The following PIEZO2 variants were observed in gnomAD, a reference collection of about 807,000 sequenced individuals.
The protein encoded by PIEZO2 is piezo type mechanosensitive ion channel component 2, also known as piezo-type mechanosensitive ion channel component 2.
In PIEZO2, 172 loss-of-function variants were observed where a neutral mutation model predicts 337.3. That is an observed-to-expected ratio of 0.51 (90% CI 0.45 to 0.58). The LOEUF is 0.58. Among genes scored for constraint, PIEZO2 ranks in the 20% least tolerant of loss-of-function variants. The pLI, the probability that PIEZO2 is intolerant of heterozygous loss-of-function variation, is 0.00. For synonymous variants in PIEZO2, 1,251 were observed against 1,228.5 expected (o/e 1.02, Z -0.38); for missense variants, 3,028 against 3,391.3 (o/e 0.89, Z 2.66).
intron 3 of PIEZO2, among the ~76,000 whole-genome samples, chr18:10,966,404 T>C (rs1254893380): frequency 6.6e-6 from 1 of 152,228 alleles, no homozygotes; most frequent in African/African-American, 2.4e-5. Flanking sequence ...GCTGCCAGTC[T>C]TCTCCACTGT....
At chr18:10,749,533 ATT>A in intron 29 of PIEZO2, among the ~76,000 whole-genome samples, 1 of 152,302 alleles carries the variant, frequency 6.6e-6, no homozygotes, top group South Asian at 2.1e-4. Context: ...AGTAGCACCC[ATT>A]CTGGGTGCCA....
At chr18:11,063,425 G>C (rs1327732616) in intron 2 of PIEZO2, among the ~76,000 whole-genome samples, 1 of 97,752 alleles carries the variant, frequency 1.0e-5, no homozygotes, top group African/African-American at 3.4e-5. Flanking sequence ...AAAACTTAAA[G>C]TATAATAATA....
Position 10,744,164 on chromosome 18 carries a change from ACTT to A in PIEZO2, c.4489_4491del (p.Lys1497del). The stretch of plus-strand genomic sequence containing the variant: ...TACTGTCGCTTCAGCTGGTCCATGG[ACTT>A]CTTCTCTTCCTCAATTCTTGCCTTT... On this transcript the variant is annotated inframe_deletion, in exon 31 of 56. Coordinates refer to ENST00000674853, the MANE Select transcript of PIEZO2 (RefSeq NM_001378183.1). The A allele has an allele frequency of 2.6e-6, 4 of 1,536,640 alleles. No homozygotes were observed. The highest frequency in any genetic ancestry group is 2.6e-6 in the Non-Finnish European group (3 of 1,146,430).
At chr18:10,693,966 A>G (rs997097227) in intron 47 of PIEZO2, among the ~76,000 whole-genome samples, 11 of 152,156 alleles carry the variant, frequency 7.2e-5, no homozygotes, top group Admixed American at 7.2e-4. Flanking sequence ...TTGTACAAGC[A>G]GTGGCGTTCA....
At position 10,720,234 on chromosome 18, in the gene PIEZO2, G is replaced by GCGTATATATATATATATATATA. The variant is rs1555631512; in HGVS notation, c.5030-1976_5030-1975insTATATATATATATATATATACG. 1.3e-4 allele frequency among the ~76,000 whole-genome samples: 16 copies of GCGTATATATATATATATATATA among 119,918 alleles called. 1 individual carries two copies. Among genetic ancestry groups the GCGTATATATATATATATATATA allele is most frequent in the African/African-American group, 4.7e-4 (14 of 29,864 alleles). 78.7% of individuals were successfully genotyped at this position (119,918 alleles called of 152,430 possible). On this transcript the variant is annotated intron_variant, in intron 36 of 55. Coordinates refer to ENST00000674853, the MANE Select transcript of PIEZO2 (RefSeq NM_001378183.1). ...TATATATGAATATATGTGTGTGTGT[G>GCGTATATATATATATATATATA]TATATATATATATATGGAGCCCAGG...
In PIEZO2 at chr18:10,682,775, T is replaced by TTGTATCATGTTGTTCGTCACC. The variant is rs11283859; in HGVS notation, c.7498-484_7498-483insGGTGACGAACAACATGATACA. ...TTAATTTAATTCATGACACGTGTTG[T>TTGTATCATGTTGTTCGTCACC]TAAAGACAATGTTGTTCGACACCTA... On this transcript the variant is annotated intron_variant, in intron 49 of 55. Coordinates refer to ENST00000674853, the MANE Select transcript of PIEZO2 (RefSeq NM_001378183.1). The surrounding 1 kb of genome is among the most constrained non-coding windows in gnomAD (Gnocchi z 5.6). Among the ~76,000 whole-genome samples, 1 of 151,948 alleles carries TTGTATCATGTTGTTCGTCACC rather than the reference T, an allele frequency of 6.6e-6. No homozygotes were observed. Among genetic ancestry groups the TTGTATCATGTTGTTCGTCACC allele is most frequent in the African/African-American group, 2.4e-5 (1 of 41,378 alleles).
intron 26 of PIEZO2, among the ~76,000 whole-genome samples, chr18:10,758,862 A>G (rs868278588): frequency 6.6e-6 from 1 of 152,232 alleles, no homozygotes; most frequent in Non-Finnish European, 1.5e-5. Context: ...CTGCCCACAA[A>G]GGGCTGAGGC....
intron 2 of PIEZO2, among the ~76,000 whole-genome samples, chr18:10,983,362 A>G (rs1043169952): frequency 3.3e-5 from 5 of 152,158 alleles, no homozygotes; most frequent in Admixed American, 1.3e-4. Flanking sequence ...AAGTAGTTTC[A>G]CTTTACCAAT....
At chr18:11,034,800 G>C (rs147869398) in intron 2 of PIEZO2, among the ~76,000 whole-genome samples, 1 of 152,050 alleles carries the variant, frequency 6.6e-6, no homozygotes, top group Non-Finnish European at 1.5e-5. Context: ...AGCCAAGACC[G>C]CGCCATTGCA....
rs1261030051 is a variant in PIEZO2, at chr18:10,837,001, T to C, written c.917+18352A>G. On this transcript the variant is annotated intron_variant, in intron 7 of 55. Coordinates refer to ENST00000674853, the MANE Select transcript of PIEZO2 (RefSeq NM_001378183.1). This position sits in a 1 kb window ranked among gnomAD's most constrained non-coding sequence, Gnocchi z 4.4. The stretch of plus-strand genomic sequence containing the variant: ...GGGCCACTGAGGATACTCACAACTG[T>C]GGTTTGGTTTCAGCAAAACACACAT... Among the ~76,000 whole-genome samples the C allele has an allele frequency of 6.6e-6, 1 of 152,226 alleles. No individual in the cohort carries two copies. The highest frequency in any genetic ancestry group is 2.4e-5 in the African/African-American group (1 of 41,460).
chr18:10,770,433 A>G, intron 20 of PIEZO2, 125 bp from the exon 21 acceptor site: 1 of 927,142 alleles, frequency 1.1e-6, no homozygotes, highest in African/African-American at 1.7e-5. Flanking sequence ...GAATTCTAAG[A>G]AAACCAAAAT....
At chr18:10,911,442 T>C (rs1161923990) in intron 3 of PIEZO2, among the ~76,000 whole-genome samples, 1 of 145,546 alleles carries the variant, frequency 6.9e-6, no homozygotes. Context: ...CGAGTCCACA[T>C]AGGGATTTAA....
At chr18:10,719,361 C>T (rs989286497) in intron 36 of PIEZO2, among the ~76,000 whole-genome samples, 1 of 152,132 alleles carries the variant, frequency 6.6e-6, no homozygotes, top group Non-Finnish European at 1.5e-5. Context: ...CCCAACTCTC[C>T]CGCATTTGAT....
In PIEZO2 at chr18:10,789,310, CTCT is replaced by C. The variant is rs1568059709; in HGVS notation, c.1935_1937del (p.Glu647del). On this transcript the variant is annotated inframe_deletion, in exon 15 of 56. Coordinates refer to ENST00000674853, the MANE Select transcript of PIEZO2 (RefSeq NM_001378183.1). Reference sequence around the variant, plus strand: ...TCTCTTGCTTCTCTTCCTTCGCTTCCTCTTCTTCCTCCTCTTTGGGCTCTCCTT... The same window carrying C: ...TCTCTTGCTTCTCTTCCTTCGCTTCCTCTTCCTCCTCTTTGGGCTCTCCTT... The C allele has an allele frequency of 6.5e-7, 1 of 1,537,270 alleles. No homozygotes were observed. Among genetic ancestry groups the C allele is most frequent in the Admixed American group, 2.0e-5 (1 of 51,000 alleles).
intron 4 of PIEZO2, among the ~76,000 whole-genome samples, chr18:10,890,912 T>C (rs1177080279): frequency 6.6e-6 from 1 of 152,266 alleles, no homozygotes; most frequent in Non-Finnish European, 1.5e-5. Flanking sequence ...ACCAGTACTT[T>C]ATTTTTTCTG....
intron 2 of PIEZO2, among the ~76,000 whole-genome samples, chr18:11,061,276 A>G (rs1483521079): frequency 1.1e-4 from 16 of 151,664 alleles, no homozygotes; most frequent in South Asian, 2.1e-4. Flanking sequence ...AGAGCTATCT[A>G]TGACAAACCC....
intron 18 of PIEZO2, among the ~76,000 whole-genome samples, chr18:10,779,009 C>T (rs1271297254): frequency 6.6e-6 from 1 of 152,184 alleles, no homozygotes; most frequent in African/African-American, 2.4e-5. Context: ...TAGATTATTG[C>T]TCAGGATTTC....
intron 37 of PIEZO2, 92 bp downstream of exon 37, chr18:10,718,108 C>A (rs2036088334): frequency 2.7e-6 from 3 of 1,129,878 alleles, no homozygotes; most frequent in Middle Eastern, 1.9e-4. Flanking sequence ...GTGTTCGATT[C>A]ACAATTTTTC....
rs2865119 is a variant in PIEZO2, at chr18:10,759,937, A to G, written c.3451-28T>C. On this transcript the variant is annotated intron_variant, in intron 24 of 55. Coordinates refer to ENST00000674853, the MANE Select transcript of PIEZO2 (RefSeq NM_001378183.1). The surrounding 1 kb of genome is among the most constrained non-coding windows in gnomAD (Gnocchi z 5.5). The stretch of plus-strand genomic sequence containing the variant: ...GTGTAAAGATGAAAAGAGGCAAAAA[A>G]AAAAAATCAGGCATATGGGAAAGGG... 0.8 allele frequency: 1,218,897 copies of G among 1,525,510 alleles called. 488,033 individuals are homozygous for G. Among genetic ancestry groups the G allele is most frequent in the East Asian group, 0.9 (36,734 of 40,706 alleles). The allele number at this position is 1,525,510 out of a possible 1,614,324, so 94.5% of individuals were successfully genotyped here.
Sources: gnomAD v4.1 joint callset for allele counts (sites outside exome capture counted in the v4.1 genomes callset) on GRCh38, gnomAD v4.1.1 for gene constraint, Gnocchi (gnomAD v3.1) non-coding constraint, MANE v1.5 for transcripts, NCBI Gene and HGNC (gene_info 2026-07-23, HGNC 2026-07-21) for gene names.